Variants in PMVK observed in about 807,000 individuals in gnomAD.
The protein encoded by PMVK is testis tissue sperm-binding protein Li 95mP.
A neutral mutation model predicts 19.0 loss-of-function variants in PMVK; 10 were observed. That is an observed-to-expected ratio of 0.53 (90% CI 0.32 to 0.89). The LOEUF is 0.89. PMVK is among the 40% of genes least tolerant of loss of function. The pLI, the probability that PMVK is intolerant of heterozygous loss-of-function variation, is 0.03. For synonymous variants in PMVK, 108 were observed against 101.6 expected (o/e 1.06, Z -0.38); for missense variants, 222 against 251.1 (o/e 0.88, Z 0.78).
At chr1:154,942,137 TAC>T in the PMVK span, among the ~76,000 whole-genome samples, 5 of 152,196 alleles carry the variant, frequency 3.3e-5, no homozygotes, top group Non-Finnish European at 5.9e-5. Flanking sequence ...AAGCAGGCCC[TAC>T]TTGGGCAAAC....
chr1:154,925,359 G>T, intron 4 of PMVK, 94 bp from the exon 5 acceptor site: 1 of 1,357,758 alleles, frequency 7.4e-7, no homozygotes, highest in Non-Finnish European at 1.0e-6. Context: ...GGCCCTCCCG[G>T]CCTCTCCTCT....
intron 3 of PMVK, among the ~76,000 whole-genome samples, chr1:154,928,760 G>A (rs943292745): frequency 8.7e-5 from 13 of 148,982 alleles, no homozygotes; most frequent in African/African-American, 3.3e-4. Flanking sequence ...CGACAAGTGT[G>A]AGACTCCATC....
chr1:154,929,206 C>T (rs767670070), intron 2 of PMVK, 30 bp from the exon 3 acceptor site: 8 of 1,611,146 alleles, frequency 5.0e-6, no homozygotes, highest in African/African-American at 1.3e-5. Flanking sequence ...TCTACGTCAC[C>T]GGCCTTTCAA....
chr1:154,936,507 G>T, intron 1 of PMVK, 84 bp downstream of exon 1: 1 of 1,532,964 alleles, frequency 6.5e-7, no homozygotes, highest in South Asian at 1.2e-5. Context: ...GTACTCCAAA[G>T]CTCACTCCGT....
upstream of PMVK, among the ~76,000 whole-genome samples, chr1:154,938,553 A>G (rs1244531227): frequency 6.6e-6 from 1 of 152,130 alleles, no homozygotes; most frequent in Admixed American, 6.5e-5. Context: ...CCAAGATTGT[A>G]CCACTGCGCT....
chr1:154,926,273 C>T, intron 4 of PMVK, 81 bp downstream of exon 4: 12 of 1,375,674 alleles, frequency 8.7e-6, no homozygotes, highest in Non-Finnish European at 1.2e-5. Context: ...CCCTTATTCA[C>T]TTCCCCCAGG....
chr1:154,939,933 CTTTT>C (rs59217610), upstream of PMVK, among the ~76,000 whole-genome samples: 1 of 145,344 alleles, frequency 6.9e-6, no homozygotes, highest in African/African-American at 2.5e-5. Flanking sequence ...CTGAGTTAAA[CTTTT>C]TTTTTTTTTT....
upstream of PMVK, among the ~76,000 whole-genome samples, chr1:154,941,553 T>A (rs1306323386): frequency 6.6e-6 from 1 of 152,102 alleles, no homozygotes; most frequent in African/African-American, 2.4e-5. Context: ...GAGGAGACAT[T>A]CCTGTGTCAG....
chr1:154,929,967 C>T (rs965119571), intron 2 of PMVK, among the ~76,000 whole-genome samples: 1 of 152,214 alleles, frequency 6.6e-6, no homozygotes, highest in African/African-American at 2.4e-5. Flanking sequence ...TCAGTAGCCA[C>T]CTCCTGCTCC....
upstream of PMVK, among the ~76,000 whole-genome samples, chr1:154,938,773 T>A (rs1654584188): frequency 6.6e-6 from 1 of 152,146 alleles, no homozygotes; most frequent in African/African-American, 2.4e-5. Context: ...CCATTACTCA[T>A]CCTGCCTCTT....
chr1:154,925,080 G>GCCC lies in PMVK; in HGVS notation c.*46_*48dup. 21 of 1,459,196 alleles carry GCCC rather than the reference G, an allele frequency of 1.4e-5. No individual in the cohort carries two copies. Among genetic ancestry groups the GCCC allele is most frequent in the Admixed American group, 3.6e-5 (2 of 55,188 alleles). 90.4% of individuals were successfully genotyped at this position (1,459,196 alleles called of 1,614,324 possible). On this transcript the variant is annotated 3_prime_UTR_variant, in exon 5 of 5. Transcript: ENST00000368467. ...GGGACACCCCCATTTTGCAGAGTCAGCCCCACCCCCACCTCAGCAGGCCCC... is the reference window on the plus strand; with the variant it reads ...GGGACACCCCCATTTTGCAGAGTCAGCCCCCCCACCCCCACCTCAGCAGGCCCC...
intron 2 of PMVK, among the ~76,000 whole-genome samples, chr1:154,931,876 A>G (rs1477269804): frequency 6.6e-6 from 1 of 151,518 alleles, no homozygotes; most frequent in Non-Finnish European, 1.5e-5. Context: ...AGAAACGGAG[A>G]TGGGGTTTCA....
chr1:154,933,804 T>C (rs940672176), intron 1 of PMVK, among the ~76,000 whole-genome samples: 5 of 151,858 alleles, frequency 3.3e-5, no homozygotes, highest in African/African-American at 1.2e-4. Context: ...TCTTTTTTTC[T>C]CTTTTTTGAG....
intron 1 of PMVK, 100 bp downstream of exon 1, chr1:154,936,491 C>T: frequency 1.3e-6 from 2 of 1,511,290 alleles, no homozygotes; most frequent in Admixed American, 2.0e-5. Flanking sequence ...TGCAAACGGA[C>T]GACCCGTACT....
In PMVK at chr1:154,925,023, C is replaced by A; in HGVS notation, c.*106G>T. On this transcript the variant is annotated 3_prime_UTR_variant, in exon 5 of 5. Transcript: ENST00000368467. Reference sequence around the variant, plus strand: ...CCAACCCCCTCAGAATCTAGACCCCCCCTGTCTGTTCCTCACCTCGGCCAG... The same window carrying A: ...CCAACCCCCTCAGAATCTAGACCCCACCTGTCTGTTCCTCACCTCGGCCAG... The A allele has an allele frequency of 9.6e-7, 1 of 1,038,494 alleles. No individual in the cohort carries two copies. Among genetic ancestry groups the A allele is most frequent in the Non-Finnish European group, 1.4e-6 (1 of 725,658 alleles). 64.3% of individuals were successfully genotyped at this position (1,038,494 alleles called of 1,614,324 possible).
At chr1:154,932,270 A>T (rs983117073) in intron 2 of PMVK, 82 bp downstream of exon 2, 34 of 986,442 alleles carry the variant, frequency 3.4e-5, no homozygotes, top group Non-Finnish European at 5.3e-5. Context: ...GAATCATGCC[A>T]GTGACTCAGG....
In PMVK at chr1:154,928,523, C is replaced by T. The variant is rs889002562; in HGVS notation, c.312+501G>A. Among the ~76,000 whole-genome samples, 3 of 152,258 alleles carry T rather than the reference C, an allele frequency of 2.0e-5. No individual in the cohort carries two copies. The East Asian group carries it at 5.8e-4, about 29-fold the overall frequency. ...GCAGTGGCTCACACCTGTAATCCCACTATTTTGGGAGGCCAAGGTGGGTGG... is the reference window on the plus strand; with the variant it reads ...GCAGTGGCTCACACCTGTAATCCCATTATTTTGGGAGGCCAAGGTGGGTGG... On this transcript the variant is annotated intron_variant, in intron 3 of 4. Transcript: ENST00000368467.
intron 3 of PMVK, among the ~76,000 whole-genome samples, chr1:154,928,514 G>A (rs1654237345): frequency 6.6e-6 from 1 of 152,182 alleles, no homozygotes; most frequent in Non-Finnish European, 1.5e-5. Context: ...GCTCACACCT[G>A]TAATCCCACT....
intron 4 of PMVK, among the ~76,000 whole-genome samples, chr1:154,925,909 C>T (rs1654143099): frequency 6.6e-6 from 1 of 152,230 alleles, no homozygotes; most frequent in Admixed American, 6.5e-5. Flanking sequence ...CTCTAAGTCA[C>T]AGTGATCTAG....
Sources: allele counts gnomAD v4.1 joint callset (sites outside exome capture counted in the v4.1 genomes callset), GRCh38; gene constraint gnomAD v4.1.1; transcripts MANE v1.5; gene names NCBI Gene and HGNC (gene_info 2026-07-23, HGNC 2026-07-21).